FSTL5: variants seen among roughly 807,000 people sequenced by gnomAD.
FSTL5 encodes follistatin-related protein 5.
Under a neutral mutation model 89.1 loss-of-function variants are expected in FSTL5, and 62 were observed. That is an observed-to-expected ratio of 0.70 (90% confidence interval 0.57 to 0.86). The LOEUF is 0.86. FSTL5 is among the 40% of genes least tolerant of loss of function. The pLI is 0.00. For synonymous variants in FSTL5, 383 were observed against 346.2 expected (o/e 1.11, Z -1.18); for missense variants, 1,057 against 1,001.6 (o/e 1.06, Z -0.75).
Position 161,972,581 on chromosome 4 carries a change from G to T in FSTL5, c.161-51929C>A, listed in dbSNP as rs554001125. On this transcript the variant is annotated intron_variant, in intron 3 of 15. Transcript: ENST00000306100. ...GGAACCAAGGCCCCTAGTGGAACAG[G>T]CCCCAGAGCCCTCAGGAAACCGAAT... is the stretch of plus-strand genomic sequence containing the variant. Among the ~76,000 whole-genome samples, 4 of 152,138 alleles carry T rather than the reference G, an allele frequency of 2.6e-5. No individual in the cohort carries two copies. In the East Asian group the frequency reaches 7.8e-4, roughly 30 times the overall value.
In FSTL5 at chr4:161,892,191, T is replaced by C. The variant is rs115204501; in HGVS notation, c.409+28213A>G. On this transcript the variant is annotated intron_variant, in intron 4 of 15. Transcript: ENST00000306100. ...TATCATTCTTTGAACAACTATCAGC[T>C]TCAACCTCCATACGACAATAAATAA... is the stretch of plus-strand genomic sequence containing the variant. Among the ~76,000 whole-genome samples, 441 of 152,156 alleles carry C rather than the reference T, an allele frequency of 2.9e-3. 4 individuals carry two copies. The highest frequency in any genetic ancestry group is 9.9e-3 in the African/African-American group (410 of 41,560).
chr4:162,042,450 A>G (rs1444275167), intron 2 of FSTL5, among the ~76,000 whole-genome samples: 1 of 152,132 alleles, frequency 6.6e-6, no homozygotes, highest in Admixed American at 6.6e-5. Flanking sequence ...AGACATAGAC[A>G]CACTGACTTT....
rs901227020 is a variant in FSTL5 at position 162,014,487 on chromosome 4, T to A, written c.160+19138A>T. Among the ~76,000 whole-genome samples, 4 of 152,194 alleles carry A rather than the reference T, an allele frequency of 2.6e-5. No individual in the cohort carries two copies. In the South Asian group the frequency reaches 8.3e-4, roughly 31 times the overall value. On this transcript the variant is annotated intron_variant, in intron 3 of 15. Transcript: ENST00000306100. ...GAGATTTGAAAAATAATAATTTAGATGATGATGTTATAGTTAGTTGGCTAT... is the reference window on the plus strand; with the variant it reads ...GAGATTTGAAAAATAATAATTTAGAAGATGATGTTATAGTTAGTTGGCTAT...
intron 3 of FSTL5, among the ~76,000 whole-genome samples, chr4:161,931,192 AGAT>A (rs1392464289): frequency 6.6e-6 from 1 of 151,884 alleles, no homozygotes; most frequent in Non-Finnish European, 1.5e-5. Context: ...ATTAGGGAGA[AGAT>A]GATAATAGCC....
intron 9 of FSTL5, among the ~76,000 whole-genome samples, chr4:161,541,948 GATT>G (rs766327093): frequency 6.6e-6 from 1 of 151,520 alleles, no homozygotes; most frequent in Non-Finnish European, 1.5e-5. Context: ...ACATATTTGG[GATT>G]ATTATTATCT....
chr4:161,947,322 CA>C (rs74604209), intron 3 of FSTL5, among the ~76,000 whole-genome samples: 59,648 of 151,742 alleles, frequency 0.39, 12,029 homozygotes, highest in Middle Eastern at 0.55. Flanking sequence ...CTGCCTATTT[CA>C]AAATTGTGAA....
intron 4 of FSTL5, among the ~76,000 whole-genome samples, chr4:161,908,595 A>G (rs1421137645): frequency 2.6e-5 from 4 of 152,084 alleles, no homozygotes; most frequent in Non-Finnish European, 5.9e-5. Context: ...AACACCAATG[A>G]CCCTACAAAT....
intron 6 of FSTL5, among the ~76,000 whole-genome samples, chr4:161,679,322 G>C (rs774747615): frequency 4.6e-5 from 7 of 151,590 alleles, no homozygotes; most frequent in Admixed American, 6.6e-5. Flanking sequence ...GCTACATACT[G>C]TTTTTTCATG....
intron 4 of FSTL5, among the ~76,000 whole-genome samples, chr4:161,812,163 C>T (rs1401670717): frequency 6.6e-6 from 1 of 152,144 alleles, no homozygotes; most frequent in Admixed American, 6.5e-5. Flanking sequence ...TTTTAGGCAA[C>T]ATTAGTTCTA....
At chr4:161,672,313 C>T (rs1292161580) in intron 6 of FSTL5, among the ~76,000 whole-genome samples, 1 of 152,074 alleles carries the variant, frequency 6.6e-6, no homozygotes, top group Non-Finnish European at 1.5e-5. Context: ...AATCTTCACC[C>T]AGCCTCTTGA....
At chr4:161,621,389 A>G (rs915634292) in intron 7 of FSTL5, among the ~76,000 whole-genome samples, 1 of 152,238 alleles carries the variant, frequency 6.6e-6, no homozygotes, top group African/African-American at 2.4e-5. Flanking sequence ...GAAATATAAG[A>G]TTTCAAAATA....
chr4:161,692,871 A>G (rs2314106), intron 6 of FSTL5, among the ~76,000 whole-genome samples: 147,118 of 152,184 alleles, frequency 0.97, 71,243 homozygotes, highest in East Asian at 1. Context: ...TTACAGGCAC[A>G]CGCCACCACA....
At chr4:161,501,452 G>A (rs1197046018) in intron 11 of FSTL5, among the ~76,000 whole-genome samples, 1 of 151,918 alleles carries the variant, frequency 6.6e-6, no homozygotes, top group Non-Finnish European at 1.5e-5. Flanking sequence ...AGAGAAAAAT[G>A]TATATAAACT....
At chr4:161,664,659 C>A (rs1183043660) in intron 6 of FSTL5, among the ~76,000 whole-genome samples, 1 of 152,184 alleles carries the variant, frequency 6.6e-6, no homozygotes, top group South Asian at 2.1e-4. Flanking sequence ...GTTCTAAACT[C>A]TGCCTGATAC....
intron 4 of FSTL5, among the ~76,000 whole-genome samples, chr4:161,904,736 A>C (rs1733472752): frequency 6.6e-6 from 1 of 152,066 alleles, no homozygotes; most frequent in East Asian, 1.9e-4. Context: ...ACACCAATAT[A>C]AATGTGCCTT....
chr4:161,853,530 G>A (rs976625014), intron 4 of FSTL5, among the ~76,000 whole-genome samples: 4 of 151,180 alleles, frequency 2.6e-5, no homozygotes, highest in East Asian at 1.9e-4. Context: ...GGCCTCCCTC[G>A]GCCTCCCAAG....
At chr4:161,616,570 T>C (rs1482043133) in intron 7 of FSTL5, among the ~76,000 whole-genome samples, 2 of 152,158 alleles carry the variant, frequency 1.3e-5, no homozygotes, top group African/African-American at 4.8e-5. Flanking sequence ...GGACTTCACC[T>C]TGTGATTGTG....
At chr4:162,161,681 G>T (rs974067767) in intron 1 of FSTL5, among the ~76,000 whole-genome samples, 3 of 151,714 alleles carry the variant, frequency 2.0e-5, no homozygotes, top group Admixed American at 6.6e-5. Context: ...GGAAGTCAAT[G>T]ACACACTTAG....
intron 8 of FSTL5, among the ~76,000 whole-genome samples, chr4:161,567,115 A>G (rs1732844688): frequency 6.6e-6 from 1 of 152,104 alleles, no homozygotes; most frequent in African/African-American, 2.4e-5. Context: ...ATCTGAAGCT[A>G]TTGTTTTGAA....
Sources: allele counts gnomAD v4.1 joint callset (sites outside exome capture counted in the v4.1 genomes callset), GRCh38; gene constraint gnomAD v4.1.1; transcripts MANE v1.5; gene names NCBI Gene and HGNC (gene_info 2026-07-23, HGNC 2026-07-21).